Variants in OXSR1 observed in about 807,000 individuals in gnomAD.
The protein encoded by OXSR1 is oxidative stress responsive kinase 1, also known as serine/threonine-protein kinase OSR1.
In OXSR1, 24 loss-of-function variants were observed where a neutral mutation model predicts 79.8. The observed-to-expected ratio is 0.30, with a 90% CI of 0.22 to 0.42. The LOEUF is 0.42. OXSR1 is among the 10% of genes least tolerant of loss of function. The pLI, the probability that OXSR1 is intolerant of heterozygous loss-of-function variation, is 1.00. For synonymous variants in OXSR1, 226 were observed against 209.2 expected, an observed-to-expected ratio of 1.08 and a Z score of -0.69; for missense variants, 430 against 618.4, an observed-to-expected ratio of 0.70 and a Z score of 3.23.
chr3:38,191,235 ATT>A (rs143185191), intron 3 of OXSR1, among the ~76,000 whole-genome samples: 3 of 148,026 alleles, frequency 2.0e-5, no homozygotes, highest in African/African-American at 2.5e-5. Flanking sequence ...ATTTAATATA[ATT>A]TTTTTTTTTT....
chr3:38,227,359 TA>T (rs1346159187), intron 8 of OXSR1, among the ~76,000 whole-genome samples: 1 of 152,126 alleles, frequency 6.6e-6, no homozygotes, highest in African/African-American at 2.4e-5. Context: ...ACACAGCTAA[TA>T]AATGGTGGAA....
At chr3:38,237,081 T>C (rs1702934097) in intron 11 of OXSR1, 120 bp downstream of exon 11, 2 of 817,080 alleles carry the variant, frequency 2.4e-6, no homozygotes, top group Admixed American at 2.7e-5. Context: ...TTATTAATAA[T>C]AGGAGCCCAG....
chr3:38,170,330 G>GC (rs970218896), intron 1 of OXSR1, among the ~76,000 whole-genome samples: 55 of 152,242 alleles, frequency 3.6e-4, no homozygotes, highest in African/African-American at 1.3e-3. Context: ...ACAGGTGTGA[G>GC]CCCCCGCGCC....
At chr3:38,249,901 G>A (rs2125855825) in intron 14 of OXSR1, 65 bp from the exon 15 acceptor site, 1 of 953,128 alleles carries the variant, frequency 1.0e-6, no homozygotes, top group Non-Finnish European at 1.7e-6. Context: ...CTTAATATAT[G>A]TTGGCAGAAT....
At chr3:38,245,999 A>G in intron 12 of OXSR1, 76 bp from the exon 13 acceptor site, 1 of 1,325,746 alleles carries the variant, frequency 7.5e-7, no homozygotes, top group Non-Finnish European at 1.1e-6. Flanking sequence ...TCACCCTGAA[A>G]GGCTGAACTT....
At chr3:38,215,955 A>T (rs34677953) in intron 4 of OXSR1, 141 bp from the exon 5 acceptor site, 1 of 622,198 alleles carries the variant, frequency 1.6e-6, no homozygotes, top group Admixed American at 3.2e-5. Flanking sequence ...CAATTTTACT[A>T]TTAGTCTTAA....
chr3:38,208,170 C>T (rs1451230793), intron 4 of OXSR1, among the ~76,000 whole-genome samples: 4 of 151,746 alleles, frequency 2.6e-5, no homozygotes, highest in East Asian at 1.9e-4. Flanking sequence ...TTAACAGTGC[C>T]GGAAAAATAT....
chr3:38,194,024 AT>A (rs199698023), intron 3 of OXSR1, among the ~76,000 whole-genome samples: 5 of 150,924 alleles, frequency 3.3e-5, no homozygotes, highest in East Asian at 3.9e-4. Flanking sequence ...CACAGCTTAA[AT>A]TTTTTTTTTA....
intron 12 of OXSR1, 124 bp downstream of exon 12, chr3:38,242,902 A>C: frequency 2.1e-6 from 1 of 485,338 alleles, no homozygotes; most frequent in Non-Finnish European, 3.7e-6. Flanking sequence ...TACCAATCGA[A>C]TTTTAAAAGT....
chr3:38,237,981 A>T (rs1358623685), intron 11 of OXSR1, among the ~76,000 whole-genome samples: 1 of 152,142 alleles, frequency 6.6e-6, no homozygotes. Flanking sequence ...TGTGAAAGGG[A>T]TGATGATGCT....
chr3:38,182,971 A>G (rs768077055), intron 1 of OXSR1, 32 bp from the exon 2 acceptor site: 1 of 1,129,032 alleles, frequency 8.9e-7, no homozygotes, highest in South Asian at 1.3e-5. Flanking sequence ...ATATCCATCT[A>G]CTTATTTACT....
chr3:38,167,895 T>G (rs1027771904), intron 1 of OXSR1, among the ~76,000 whole-genome samples: 5 of 152,066 alleles, frequency 3.3e-5, no homozygotes, highest in East Asian at 1.9e-4. Flanking sequence ...AGAAGAGTTT[T>G]TTTTTTTTTT....
At chr3:38,189,307 A>G (rs958245172) in intron 2 of OXSR1, among the ~76,000 whole-genome samples, 8 of 152,034 alleles carry the variant, frequency 5.3e-5, no homozygotes, top group African/African-American at 1.9e-4. Flanking sequence ...TTTGGTACCT[A>G]TATGCTCTCT....
chr3:38,200,298 T>C (rs199406), intron 4 of OXSR1, among the ~76,000 whole-genome samples: 1 of 152,178 alleles, frequency 6.6e-6, no homozygotes, highest in Non-Finnish European at 1.5e-5. Flanking sequence ...GTCTGTCAGT[T>C]GTTCTGGGTT....
intron 4 of OXSR1, among the ~76,000 whole-genome samples, chr3:38,208,306 G>C (rs1466406815): frequency 3.7e-4 from 56 of 152,104 alleles, no homozygotes; most frequent in Admixed American, 3.7e-3. Context: ...GAGTACAGAT[G>C]CTTCTCGACT....
chr3:38,242,893 A>G, intron 12 of OXSR1, 115 bp downstream of exon 12: 1 of 518,382 alleles, frequency 1.9e-6, no homozygotes, highest in Non-Finnish European at 3.5e-6. Flanking sequence ...GCAACTTTAT[A>G]CCAATCGAAT....
At chr3:38,173,692 A>AT (rs956097329) in intron 1 of OXSR1, among the ~76,000 whole-genome samples, 4 of 152,078 alleles carry the variant, frequency 2.6e-5, no homozygotes, top group African/African-American at 4.8e-5. Context: ...CCCAAACAAG[A>AT]TTTTTTTTCC....
chr3:38,187,084 G>C (rs1052859056), intron 2 of OXSR1, among the ~76,000 whole-genome samples: 1 of 152,176 alleles, frequency 6.6e-6, no homozygotes. Context: ...TAGTTGGTAG[G>C]CTTTGCTGTG....
chr3:38,168,518 G>T (rs1472876599), intron 1 of OXSR1, among the ~76,000 whole-genome samples: 1 of 152,066 alleles, frequency 6.6e-6, no homozygotes, highest in African/African-American at 2.4e-5. Flanking sequence ...ACAATTTTGA[G>T]ATATAATTTA....
Sources: gnomAD v4.1 joint callset for allele counts (sites outside exome capture counted in the v4.1 genomes callset) on GRCh38, gnomAD v4.1.1 for gene constraint, MANE v1.5 for transcripts, NCBI Gene and HGNC (gene_info 2026-07-23, HGNC 2026-07-21) for gene names.